The following RHOBTB2 variants were observed in gnomAD, a reference collection of about 807,000 sequenced individuals.
RHOBTB2 encodes the protein rho-related BTB domain-containing protein 2.
RHOBTB2 carries 39 observed loss-of-function variants against 66.5 expected under a neutral mutation model. The ratio of observed to expected loss-of-function variants is 0.59; its 90% CI spans 0.45 to 0.77. The LOEUF (loss-of-function observed/expected upper bound fraction) is 0.77. Ranked by LOEUF, RHOBTB2 falls within the 30% of genes least tolerant of loss-of-function variation. RHOBTB2 has a pLI of 0.00. For synonymous variants in RHOBTB2, 390 were observed against 395.0 expected (o/e 0.99, Z 0.15); for missense variants, 755 against 999.1 (o/e 0.76, Z 3.29).
rs938695295 is a variant in RHOBTB2 at position 23,000,125 on chromosome 8, C to G, written c.-11+20C>G. 1.0e-6 allele frequency: 1 copy of G among 985,486 alleles called. No homozygotes were observed. The highest frequency in any genetic ancestry group is 1.2e-6 in the Non-Finnish European group (1 of 829,952). 61.0% of individuals were successfully genotyped at this position (985,486 alleles called of 1,614,324 possible). On this transcript the variant is annotated intron_variant, in intron 1 of 9. Coordinates refer to ENST00000251822, the MANE Select transcript of RHOBTB2 (RefSeq NM_015178.3). ...AGTGGTGTAAGTAGATGGCTGCTTG[C>G]GGTTATGGCGGGGTGGCCAGCAGCC... is the stretch of plus-strand genomic sequence containing the variant.
chr8:22,996,772 T>C (rs1810580226), upstream of RHOBTB2, among the ~76,000 whole-genome samples: 1 of 151,974 alleles, frequency 6.6e-6, no homozygotes, highest in Admixed American at 6.6e-5. Context: ...TGCTAACAGC[T>C]GGGGACAGGG....
chr8:23,015,673 C>A lies in RHOBTB2; in HGVS notation c.1896C>A (p.Leu632=). The change falls in exon 9 of 10, where the codon CTC becomes CTA. Residue 632 remains leucine (L), a synonymous_variant. Coordinates refer to ENST00000251822, the MANE Select transcript of RHOBTB2 (RefSeq NM_015178.3). ...HCAYQLADWC[L]HHICTNYNNV... ...CGTACCAGCTGGCCGACTGGTGTCT[C>A]CACCACATCTGCACCAACTACAACA... 1 of 1,613,894 alleles carries A rather than the reference C, an allele frequency of 6.2e-7. No individual in the cohort carries two copies.
chr8:23,017,715 G>A lies in RHOBTB2; in HGVS notation c.*246G>A. On this transcript the variant is annotated 3_prime_UTR_variant, in exon 10 of 10. Coordinates refer to ENST00000251822, the MANE Select transcript of RHOBTB2 (RefSeq NM_015178.3). The surrounding 1 kb of genome is among the most constrained non-coding windows in gnomAD (Gnocchi z 5.3). ...GCAGGACGGGAGACAACTGCTTGGA[G>A]GAGCGAAGAGCCCTGGCATTTTATC... 1 of 561,488 alleles carries A rather than the reference G, an allele frequency of 1.8e-6. No individual in the cohort carries two copies. Among genetic ancestry groups the A allele is most frequent in the South Asian group, 2.3e-5 (1 of 43,016 alleles). The allele number at this position is 561,488 out of a possible 1,614,324, so 34.8% of individuals were successfully genotyped here.
At chr8:22,994,565 C>G, upstream of RHOBTB2, 1 of 1,550,082 alleles carries the variant, frequency 6.5e-7, no homozygotes. Flanking sequence ...AACCAGGAGC[C>G]TGGAGGGAAC....
rs1347452165 is a variant in RHOBTB2, at chr8:23,007,702, G to A, written c.1457G>A (p.Arg486Gln). 5.0e-6 allele frequency: 8 copies of A among 1,614,178 alleles called. No individual in the cohort carries two copies. Among genetic ancestry groups the A allele is most frequent in the Middle Eastern group, 1.6e-4 (1 of 6,062 alleles). ...ATCACCAAGGCCTTCCACGTCCGCCGGACCAACCGGGTTAAGGAGTGCTTG... is the reference window on the plus strand; with the variant it reads ...ATCACCAAGGCCTTCCACGTCCGCCAGACCAACCGGGTTAAGGAGTGCTTG... ...QEITKAFHVR[R>Q]TNRVKECLAK... Residue 486 changes from arginine to glutamine, a missense_variant, in exon 5 of 10, where the codon CGG (arginine) becomes CAG (glutamine). Around this residue, in one of 7 missense-constraint regions of RHOBTB2, gnomAD observed 353 missense variants for 458.2 expected, o/e 0.77. Coordinates refer to ENST00000251822, the MANE Select transcript of RHOBTB2 (RefSeq NM_015178.3).
At chr8:22,983,865 G>A (rs913937830), upstream of RHOBTB2, among the ~76,000 whole-genome samples, 2 of 152,128 alleles carry the variant, frequency 1.3e-5, no homozygotes, top group Non-Finnish European at 2.9e-5. Flanking sequence ...CTCCCGAGTA[G>A]CTGGGACTAC....
the RHOBTB2 span, chr8:22,978,164 A>G: frequency 6.6e-6 from 1 of 152,134 alleles, no homozygotes; most frequent in Non-Finnish European, 1.5e-5. Flanking sequence ...AATCTTTTAA[A>G]ATAATTGTGT....
the RHOBTB2 span, among the ~76,000 whole-genome samples, chr8:22,964,670 G>A: frequency 6.6e-6 from 1 of 152,008 alleles, no homozygotes; most frequent in Non-Finnish European, 1.5e-5. Flanking sequence ...TGAAGATCTG[G>A]TAGTTTGTTG....
chr8:23,017,349 G>C lies in RHOBTB2; in HGVS notation c.2064G>C (p.Glu688Asp), dbSNP rs931126547. Residue 688 changes from glutamate to aspartate, a missense_variant, in exon 10 of 10, where the codon GAG (glutamate) becomes GAC (aspartate). Glu to Asp is a conservative substitution (Grantham distance 45, BLOSUM62 2). This residue lies in a region of RHOBTB2 where 353 missense variants were observed against 458.2 expected (regional missense o/e 0.77). Transcript: ENST00000251822. This position sits in a 1 kb window ranked among gnomAD's most constrained non-coding sequence, Gnocchi z 5.3. ...YQRARKEREK[E>D]DYLHLKRQPK... The stretch of plus-strand genomic sequence containing the variant: ...GGGCACGGAAGGAGCGTGAGAAGGA[G>C]GACTACCTCCACCTCAAGCGGCAGC... 3 of 1,614,224 alleles carry C rather than the reference G, an allele frequency of 1.9e-6. No individual in the cohort carries two copies. Among genetic ancestry groups the C allele is most frequent in the South Asian group, 1.1e-5 (1 of 91,086 alleles).
At chr8:22,986,144 C>A (rs1190723243), upstream of RHOBTB2, among the ~76,000 whole-genome samples, 4 of 88,006 alleles carry the variant, frequency 4.5e-5, no homozygotes, top group Non-Finnish European at 8.7e-5. Context: ...GTGGACTTCT[C>A]TCTCTCTCTC....
chr8:23,006,182 G>T lies in RHOBTB2; in HGVS notation c.482+37G>T. 1.3e-6 allele frequency: 2 copies of T among 1,563,858 alleles called. No individual in the cohort carries two copies. The highest frequency in any genetic ancestry group is 2.2e-5 in the South Asian group (2 of 88,930). On this transcript the variant is annotated intron_variant, in intron 4 of 9. Transcript: ENST00000251822. The surrounding 1 kb of genome is among the most constrained non-coding windows in gnomAD (Gnocchi z 6.1). ...TGGTACCAAGGAGACAGACATGGAT[G>T]GGTGCCTCACCATGGCTCCCTGCTC...
rs371686715 is a variant in RHOBTB2, at chr8:23,008,116, G to A, written c.1620+5G>A. The A allele has an allele frequency of 3.1e-6, 5 of 1,590,244 alleles. No individual in the cohort carries two copies. The highest frequency in any genetic ancestry group is 4.3e-6 in the Non-Finnish European group (5 of 1,164,804). On this transcript the variant is annotated splice_donor_5th_base_variant and intron_variant, in intron 6 of 9. Coordinates refer to ENST00000251822, the MANE Select transcript of RHOBTB2 (RefSeq NM_015178.3). ...GTGGAGAGCTCCACCCGGGAGGTAA[G>A]GCTGAGGACACAAAGGGGGGAAGGA...
Position 23,017,575 on chromosome 8 carries a change from G to A in RHOBTB2, c.*106G>A, listed in dbSNP as rs555967872. The A allele has an allele frequency of 5.2e-5, 77 of 1,487,552 alleles. No individual in the cohort carries two copies. Among genetic ancestry groups the A allele is most frequent in the South Asian group, 5.0e-4 (38 of 76,030 alleles). The allele number at this position is 1,487,552 out of a possible 1,614,324, so 92.1% of individuals were successfully genotyped here. Reference sequence around the variant, plus strand: ...ACCTTACAGGGACCAGGGGGCCCACGTAACCAGGACCCAGAGGGTGGAGCT... The same window carrying A: ...ACCTTACAGGGACCAGGGGGCCCACATAACCAGGACCCAGAGGGTGGAGCT... On this transcript the variant is annotated 3_prime_UTR_variant, in exon 10 of 10. Transcript: ENST00000251822. The surrounding 1 kb of genome is among the most constrained non-coding windows in gnomAD (Gnocchi z 5.3).
Position 23,004,680 on chromosome 8 carries a change from G to T in RHOBTB2, c.192+54G>T. ...GTCCACGCCATGAGTCTGGGCTTGG[G>T]GGCTTCCTGAGGCATAGCTTGGTGT... On this transcript the variant is annotated intron_variant, in intron 2 of 9. Coordinates refer to ENST00000251822, the MANE Select transcript of RHOBTB2 (RefSeq NM_015178.3). This position sits in a 1 kb window ranked among gnomAD's most constrained non-coding sequence, Gnocchi z 6.4. 6.5e-7 allele frequency: 1 copy of T among 1,528,442 alleles called. No individual in the cohort carries two copies. The highest frequency in any genetic ancestry group is 1.2e-5 in the South Asian group (1 of 85,614). The allele number at this position is 1,528,442 out of a possible 1,614,324, so 94.7% of individuals were successfully genotyped here. A position where few individuals can be genotyped will look rare whatever the true frequency, so the allele number is the denominator to read the frequency against.
chr8:23,004,750 TG>T lies in RHOBTB2; in HGVS notation c.192+129del, dbSNP rs1189493097. The T allele has an allele frequency of 1.8e-5, 16 of 902,896 alleles. No individual in the cohort carries two copies. Among genetic ancestry groups the T allele is most frequent in the East Asian group, 5.3e-5 (2 of 37,818 alleles). 55.9% of individuals were successfully genotyped at this position (902,896 alleles called of 1,614,324 possible). A position where few individuals can be genotyped will look rare whatever the true frequency, so the allele number is the denominator to read the frequency against. On this transcript the variant is annotated intron_variant, in intron 2 of 9. Coordinates refer to ENST00000251822, the MANE Select transcript of RHOBTB2 (RefSeq NM_015178.3). This position sits in a 1 kb window ranked among gnomAD's most constrained non-coding sequence, Gnocchi z 6.4. ...CCTCTAGGGGTGGGACAGGATGGGTTGGGGGCAGCTGAAGAGGAAGGAGCCC... is the reference window on the plus strand; with the variant it reads ...CCTCTAGGGGTGGGACAGGATGGGTTGGGGCAGCTGAAGAGGAAGGAGCCC...
chr8:22,951,684 T>A, the RHOBTB2 span, among the ~76,000 whole-genome samples: 1 of 152,184 alleles, frequency 6.6e-6, no homozygotes, highest in African/African-American at 2.4e-5. Flanking sequence ...AATACATTGA[T>A]CCGTTAGGGT....
intron 2 of RHOBTB2, among the ~76,000 whole-genome samples, chr8:22,993,154 T>A (rs1193822058): frequency 6.6e-6 from 1 of 152,176 alleles, no homozygotes; most frequent in Non-Finnish European, 1.5e-5. Context: ...ATTTTTCTTT[T>A]TTTCTTTCTT....
chr8:22,982,525 G>A (rs1810228907), upstream of RHOBTB2, among the ~76,000 whole-genome samples: 2 of 152,182 alleles, frequency 1.3e-5, no homozygotes, highest in African/African-American at 4.8e-5. Context: ...AGGAGGTTGA[G>A]GCAGGAGAAT....
Position 23,006,166 on chromosome 8 carries a change from G to C in RHOBTB2, c.482+21G>C. On this transcript the variant is annotated intron_variant, in intron 4 of 9. Transcript: ENST00000251822. The surrounding 1 kb of genome is among the most constrained non-coding windows in gnomAD (Gnocchi z 6.1). The stretch of plus-strand genomic sequence containing the variant: ...GCTAGGTAGGAGGTGCTGGTACCAA[G>C]GAGACAGACATGGATGGGTGCCTCA... The C allele has an allele frequency of 6.2e-7, 1 of 1,601,334 alleles. No homozygotes were observed. The highest frequency in any genetic ancestry group is 8.5e-7 in the Non-Finnish European group (1 of 1,172,614).
Sources: gnomAD v4.1 joint callset for allele counts (sites outside exome capture counted in the v4.1 genomes callset) on GRCh38, gnomAD v4.1.1 for gene constraint, gnomAD v4.1.1 regional missense constraint, Gnocchi (gnomAD v3.1) non-coding constraint, MANE v1.5 for transcripts, NCBI Gene and HGNC (gene_info 2026-07-23, HGNC 2026-07-21) for gene names.